Variants in TAFA1 observed in about 807,000 individuals in gnomAD.
The protein encoded by TAFA1 is TAFA chemokine like family member 1.
In TAFA1, 4 loss-of-function variants were observed where a neutral mutation model predicts 18.5. That is an observed-to-expected ratio of 0.22 (90% confidence interval 0.11 to 0.49). The LOEUF is 0.49. TAFA1 is among the 20% of genes least tolerant of loss of function. The pLI, the probability that TAFA1 is intolerant of heterozygous loss-of-function variation, is 0.98. For missense variants in TAFA1, 147 were observed against 169.0 expected (o/e 0.87, Z 0.72); for synonymous variants, 56 against 55.2 (o/e 1.01, Z -0.06).
intron 2 of TAFA1, among the ~76,000 whole-genome samples, chr3:68,298,748 C>T (rs2068255117): frequency 6.6e-6 from 1 of 152,196 alleles, no homozygotes; most frequent in Non-Finnish European, 1.5e-5. Context: ...CTTGCTTCCC[C>T]TTTGCCTTCC....
chr3:68,428,780 A>G (rs2071108334), intron 3 of TAFA1, among the ~76,000 whole-genome samples: 2 of 152,122 alleles, frequency 1.3e-5, no homozygotes, highest in Admixed American at 1.3e-4. Context: ...GCAATTAACT[A>G]GACACTCATT....
rs896654038 is a variant in TAFA1, at chr3:68,146,677, T to A, written c.118+139933T>A. Among the ~76,000 whole-genome samples the A allele has an allele frequency of 2.6e-5, 4 of 152,358 alleles. No homozygotes were observed. In the East Asian group the frequency reaches 7.7e-4, roughly 29 times the overall value. ...AATATCTTAAGACTAGATTAGAATC[T>A]CATGGGTGGAACCCAGATTTCAGTA... On this transcript the variant is annotated intron_variant, in intron 2 of 4. Transcript: ENST00000478136.
chr3:68,347,101 T>C (rs2069175613), intron 2 of TAFA1, among the ~76,000 whole-genome samples: 1 of 152,210 alleles, frequency 6.6e-6, no homozygotes. Flanking sequence ...TCTTGAATCA[T>C]GGCCGTTATT....
At chr3:68,536,526 C>A (rs998748633) in intron 3 of TAFA1, among the ~76,000 whole-genome samples, 1 of 152,100 alleles carries the variant, frequency 6.6e-6, no homozygotes, top group Non-Finnish European at 1.5e-5. Context: ...AAGACAAACA[C>A]CTGGCTGACA....
chr3:68,153,162 A>G (rs960279311), intron 2 of TAFA1, among the ~76,000 whole-genome samples: 1 of 152,232 alleles, frequency 6.6e-6, no homozygotes. Flanking sequence ...TATTGGTAGC[A>G]TAATTTTCTC....
At chr3:68,167,439 T>C (rs2065995297) in intron 2 of TAFA1, among the ~76,000 whole-genome samples, 1 of 151,748 alleles carries the variant, frequency 6.6e-6, no homozygotes, top group Non-Finnish European at 1.5e-5. Flanking sequence ...TTGCCGGGCG[T>C]GGCGGCGTGC....
At chr3:68,482,771 C>A (rs1303671696) in intron 3 of TAFA1, among the ~76,000 whole-genome samples, 1 of 152,118 alleles carries the variant, frequency 6.6e-6, no homozygotes. Flanking sequence ...TGGATTCAGG[C>A]CTTTCGGAGC....
intron 3 of TAFA1, among the ~76,000 whole-genome samples, chr3:68,536,024 G>A (rs549953116): frequency 6.6e-6 from 1 of 152,308 alleles, no homozygotes; most frequent in African/African-American, 2.4e-5. Flanking sequence ...TCTCAAAACA[G>A]AGGAAGCAGG....
intron 3 of TAFA1, among the ~76,000 whole-genome samples, chr3:68,497,862 A>T (rs757589637): frequency 7.9e-5 from 12 of 152,306 alleles, no homozygotes; most frequent in Non-Finnish European, 1.3e-4. Context: ...GAAGAGGATA[A>T]TAGCTTGCCC....
intron 2 of TAFA1, among the ~76,000 whole-genome samples, chr3:68,358,890 G>GAA (rs5849829): frequency 6.6e-6 from 1 of 151,492 alleles, no homozygotes; most frequent in Non-Finnish European, 1.5e-5. Context: ...TCTGTTTCCA[G>GAA]CCTACCTAAG....
chr3:68,320,807 C>T (rs1268102810), intron 2 of TAFA1, among the ~76,000 whole-genome samples: 2 of 152,154 alleles, frequency 1.3e-5, no homozygotes, highest in Non-Finnish European at 2.9e-5. Context: ...AGCATGCACC[C>T]TGAGAATAGG....
At chr3:68,460,711 C>T (rs1055040784) in intron 3 of TAFA1, among the ~76,000 whole-genome samples, 3 of 152,064 alleles carry the variant, frequency 2.0e-5, no homozygotes, top group Non-Finnish European at 4.4e-5. Context: ...GGCTCGTTAA[C>T]ACACAGGTTG....
chr3:68,216,265 C>T (rs1292579279), intron 2 of TAFA1, among the ~76,000 whole-genome samples: 1 of 151,860 alleles, frequency 6.6e-6, no homozygotes, highest in African/African-American at 2.4e-5. Context: ...TTGTCAAAAC[C>T]CATTGAACTT....
chr3:68,144,597 C>T (rs2065713836), intron 2 of TAFA1, among the ~76,000 whole-genome samples: 1 of 152,150 alleles, frequency 6.6e-6, no homozygotes, highest in Admixed American at 6.6e-5. Context: ...ATGTTTGTTT[C>T]CCCATTGGCT....
intron 2 of TAFA1, among the ~76,000 whole-genome samples, chr3:68,029,488 A>G (rs1704885796): frequency 6.6e-6 from 1 of 152,202 alleles, no homozygotes; most frequent in Non-Finnish European, 1.5e-5. Flanking sequence ...CTGTTCCAGT[A>G]AGTAAATCAA....
In TAFA1 at chr3:68,182,054, A is replaced by T. The variant is rs1431025224; in HGVS notation, c.118+175310A>T. ...AGACCCCATCTCTACACAAAGCAAA[A>T]AACATTAGCTGGGTGTGGGTGGCAC... On this transcript the variant is annotated intron_variant, in intron 2 of 4. Transcript: ENST00000478136. Among the ~76,000 whole-genome samples the T allele has an allele frequency of 2.6e-5, 4 of 152,064 alleles. No homozygotes were observed. In the East Asian group the frequency reaches 5.8e-4, roughly 22 times the overall value.
At chr3:68,440,468 A>G (rs1008489569) in intron 3 of TAFA1, among the ~76,000 whole-genome samples, 6 of 152,228 alleles carry the variant, frequency 3.9e-5, no homozygotes, top group Non-Finnish European at 8.8e-5. Flanking sequence ...TACATGCACA[A>G]ACATGTTTTT....
intron 2 of TAFA1, among the ~76,000 whole-genome samples, chr3:68,334,731 T>A (rs2068942132): frequency 6.6e-6 from 1 of 152,130 alleles, no homozygotes; most frequent in African/African-American, 2.4e-5. Flanking sequence ...TATGTCTCAC[T>A]CATGTTACAT....
intron 3 of TAFA1, among the ~76,000 whole-genome samples, chr3:68,432,563 C>T (rs1482548703): frequency 6.6e-6 from 1 of 152,002 alleles, no homozygotes; most frequent in African/African-American, 2.4e-5. Flanking sequence ...TAAAACAAGA[C>T]TTTCAAGTCT....
Sources: gnomAD v4.1 joint callset for allele counts (sites outside exome capture counted in the v4.1 genomes callset) on GRCh38, gnomAD v4.1.1 for gene constraint, MANE v1.5 for transcripts, NCBI Gene and HGNC (gene_info 2026-07-23, HGNC 2026-07-21) for gene names.